The following GATAD2A variants were observed in gnomAD, a reference collection of about 807,000 sequenced individuals.
GATAD2A encodes the protein transcriptional repressor p66-alpha.
Under a neutral mutation model 68.5 loss-of-function variants are expected in GATAD2A, and 12 were observed. That is an observed-to-expected ratio of 0.18 (90% CI 0.11 to 0.28). The LOEUF is 0.28. GATAD2A is among the 10% of genes least tolerant of loss of function. The pLI is 1.00. For synonymous variants in GATAD2A, 410 were observed against 375.3 expected (o/e 1.09, Z -1.07); for missense variants, 755 against 868.5 (o/e 0.87, Z 1.64).
chr19:19,453,984 T>TTG (rs1555706943), intron 1 of GATAD2A, among the ~76,000 whole-genome samples: 23 of 148,548 alleles, frequency 1.5e-4, no homozygotes, highest in South Asian at 1.3e-3. Context: ...TTTTTTTTTT[T>TTG]TTGTTTATTT....
chr19:19,440,229 G>A (rs1233123140), intron 1 of GATAD2A: 3 of 275,182 alleles, frequency 1.1e-5, no homozygotes, highest in African/African-American at 7.1e-5. Flanking sequence ...AAGGTGGGGG[G>A]ATTTGCTCAT....
Position 19,385,950 on chromosome 19 carries a change from G to C in GATAD2A, c.-195G>C, listed in dbSNP as rs866703368. ...GCGCGCACGCGCACCCCCGCCGCCC[G>C]AGCGCGCCCCGCGCCGCCCGCGCAG... On this transcript the variant is annotated 5_prime_UTR_variant, in exon 1 of 12. Coordinates refer to the GATAD2A transcript ENST00000360315. The C allele has an allele frequency of 4.7e-5, 7 of 148,142 alleles. No individual in the cohort carries two copies. The South Asian group carries it at 1.4e-3, about 29-fold the overall frequency. 9.2% of individuals were successfully genotyped at this position (148,142 alleles called of 1,614,324 possible).
At chr19:19,404,301 A>C (rs985680539), upstream of GATAD2A, among the ~76,000 whole-genome samples, 1 of 151,786 alleles carries the variant, frequency 6.6e-6, no homozygotes, top group Non-Finnish European at 1.5e-5. Context: ...AATTTGTTCT[A>C]CATGAAGTGT....
At chr19:19,426,039 C>T (rs1298965763) in intron 1 of GATAD2A, among the ~76,000 whole-genome samples, 2 of 152,148 alleles carry the variant, frequency 1.3e-5, no homozygotes, top group Admixed American at 6.6e-5. Flanking sequence ...CCATCCACCT[C>T]GGCCTCCCAA....
chr19:19,392,814 A>G (rs2048947001), intron 1 of GATAD2A, among the ~76,000 whole-genome samples: 1 of 150,942 alleles, frequency 6.6e-6, no homozygotes, highest in African/African-American at 2.4e-5. Context: ...CTTCTGCCTC[A>G]GCCTCCCCAG....
chr19:19,410,309 A>C (rs1049183335), intron 1 of GATAD2A, among the ~76,000 whole-genome samples: 1 of 117,910 alleles, frequency 8.5e-6, no homozygotes, highest in African/African-American at 3.3e-5. Context: ...GCTCCCAGCA[A>C]GTCAAAGTGG....
chr19:19,401,917 G>A (rs916292190), upstream of GATAD2A: 1 of 152,172 alleles, frequency 6.6e-6, no homozygotes, highest in African/African-American at 2.4e-5. Context: ...ACAGGCTCAG[G>A]TGGTGTTTAG....
chr19:19,424,268 C>T (rs191593120), intron 1 of GATAD2A, among the ~76,000 whole-genome samples: 1 of 152,008 alleles, frequency 6.6e-6, no homozygotes, highest in Admixed American at 6.6e-5. Context: ...CTTGCTCTGT[C>T]GTCCAGGCTA....
intron 1 of GATAD2A, among the ~76,000 whole-genome samples, chr19:19,410,543 C>A (rs1280487458): frequency 6.6e-6 from 1 of 152,216 alleles, no homozygotes; most frequent in East Asian, 1.9e-4. Context: ...CGCTGCGTGG[C>A]CTGCCTTGCC....
chr19:19,502,094 G>T, intron 10 of GATAD2A, 51 bp downstream of exon 10: 1 of 1,362,226 alleles, frequency 7.3e-7, no homozygotes, highest in South Asian at 1.2e-5. Flanking sequence ...CGCAGCCCGT[G>T]ACCACGTCAG....
upstream of GATAD2A, among the ~76,000 whole-genome samples, chr19:19,404,258 AT>A (rs111838568): frequency 2.4e-3 from 348 of 146,334 alleles, no homozygotes; most frequent in African/African-American, 4.7e-3. Flanking sequence ...CAGAAAAACA[AT>A]TTTTTTTTTT....
At position 19,496,092 on chromosome 19, in the gene GATAD2A, C is replaced by T. The variant is rs773677474; in HGVS notation, c.797C>T (p.Pro266Leu). 4 of 1,613,668 alleles carry T rather than the reference C, an allele frequency of 2.5e-6. No homozygotes were observed. The highest frequency in any genetic ancestry group is 3.4e-6 in the Non-Finnish European group (4 of 1,179,820). Residue 266 changes from proline (P) to leucine (L), a missense_variant, in exon 7 of 12, where the codon CCG (proline) becomes CTG (leucine). Coordinates refer to ENST00000683918, the MANE Select transcript of GATAD2A (RefSeq NM_001384528.1). ...AGGCAACATTCCAGCACAGGGCCAC[C>T]GCCCCTCCTCCTGGCCCCCCGGGCG... ...SIRQHSSTGP[P>L]PLLLAPRASV...
intron 2 of GATAD2A, chr19:19,474,279 G>C: frequency 2.3e-6 from 1 of 438,670 alleles, no homozygotes. Flanking sequence ...GGGCTCTCCT[G>C]GTGTGCCCGA....
At chr19:19,474,427 CT>C (rs776908720) in intron 2 of GATAD2A, among the ~76,000 whole-genome samples, 5 of 152,206 alleles carry the variant, frequency 3.3e-5, no homozygotes, top group African/African-American at 9.6e-5. Flanking sequence ...TGTTTTGGTG[CT>C]TCCCCTCATG....
At chr19:19,428,465 C>T (rs1190947289) in intron 1 of GATAD2A, among the ~76,000 whole-genome samples, 1 of 152,168 alleles carries the variant, frequency 6.6e-6, no homozygotes, top group Non-Finnish European at 1.5e-5. Flanking sequence ...TCACTGGGTT[C>T]TCAGGATGGT....
At chr19:19,420,799 CG>C (rs1179095492) in intron 1 of GATAD2A, among the ~76,000 whole-genome samples, 1 of 152,018 alleles carries the variant, frequency 6.6e-6, no homozygotes, top group Non-Finnish European at 1.5e-5. Context: ...GACAGTCCCT[CG>C]TATGAGTGTT....
chr19:19,441,124 C>A (rs2055023614), intron 1 of GATAD2A, among the ~76,000 whole-genome samples: 1 of 151,746 alleles, frequency 6.6e-6, no homozygotes, highest in Non-Finnish European at 1.5e-5. Flanking sequence ...CTCACTGCAA[C>A]CTCCGCCTTC....
chr19:19,500,084 C>A lies in GATAD2A; in HGVS notation c.1205-1034C>A, dbSNP rs550851679. Among the ~76,000 whole-genome samples the A allele has an allele frequency of 1.6e-3, 245 of 152,368 alleles. 1 individual carries two copies. The highest frequency in any genetic ancestry group is 5.6e-3 in the African/African-American group (233 of 41,594). ...CCAGACCAGTCTGTCTCTGCCGTTC[C>A]CTCATCAGGGCTCAGTCTCCCTCTC... On this transcript the variant is annotated intron_variant, in intron 8 of 11. Transcript: ENST00000683918.
intron 1 of GATAD2A, among the ~76,000 whole-genome samples, chr19:19,396,762 G>C (rs886897263): frequency 1.3e-5 from 2 of 152,058 alleles, no homozygotes; most frequent in Non-Finnish European, 2.9e-5. Flanking sequence ...AGGCTGGAGT[G>C]CAATGGTGCA....
Sources: gnomAD v4.1 joint callset for allele counts (sites outside exome capture counted in the v4.1 genomes callset) on GRCh38, gnomAD v4.1.1 for gene constraint, MANE v1.5 for transcripts, NCBI Gene and HGNC (gene_info 2026-07-23, HGNC 2026-07-21) for gene names.